The following ENOX1 variants were observed in gnomAD, a reference collection of about 807,000 sequenced individuals.
ENOX1 encodes candidate growth-related and time keeping constitutive hydroquinone (NADH) oxidase.
Under a neutral mutation model 82.5 loss-of-function variants are expected in ENOX1, and 42 were observed. The observed-to-expected ratio is 0.51, with a 90% confidence interval of 0.40 to 0.66. ENOX1 has a LOEUF of 0.66. Among genes scored for constraint, ENOX1 ranks in the 30% least tolerant of loss-of-function variants. The pLI is 0.00. For missense variants in ENOX1, 608 were observed against 811.6 expected, an observed-to-expected ratio of 0.75 and a Z score of 3.05; for synonymous variants, 271 against 282.2, an observed-to-expected ratio of 0.96 and a Z score of 0.40.
At chr13:43,491,968 A>G (rs1234438241) in intron 2 of ENOX1, among the ~76,000 whole-genome samples, 2 of 152,186 alleles carry the variant, frequency 1.3e-5, no homozygotes. Flanking sequence ...TGGATCCAGT[A>G]GAAATGGTCT....
intron 2 of ENOX1, among the ~76,000 whole-genome samples, chr13:43,541,795 A>G (rs2078740800): frequency 6.6e-6 from 1 of 152,224 alleles, no homozygotes; most frequent in African/African-American, 2.4e-5. Context: ...TTGAAATAAT[A>G]ATGTCAAATC....
rs115656114 is a variant in ENOX1, at chr13:43,232,937, A to G, written c.1714+3699T>C. 9.6e-3 allele frequency among the ~76,000 whole-genome samples: 1,463 copies of G among 152,322 alleles called. 28 individuals are homozygous for G. Among genetic ancestry groups the G allele is most frequent in the African/African-American group, 0.033 (1,381 of 41,542 alleles). On this transcript the variant is annotated intron_variant, in intron 15 of 16. Coordinates refer to ENST00000690772, the MANE Select transcript of ENOX1 (RefSeq NM_001347969.2). ...ACTCTCAGCTCTCTGCAGAACTATT[A>G]GCTTGTCAATAAAAAAAATTTGATC...
chr13:43,310,329 G>A (rs1337202639), intron 11 of ENOX1, among the ~76,000 whole-genome samples: 1 of 151,842 alleles, frequency 6.6e-6, no homozygotes, highest in Non-Finnish European at 1.5e-5. Flanking sequence ...AGCTGTTTGG[G>A]CAAGTTTATG....
At chr13:43,331,018 G>A (rs1009488643) in intron 9 of ENOX1, among the ~76,000 whole-genome samples, 5 of 152,278 alleles carry the variant, frequency 3.3e-5, no homozygotes, top group South Asian at 2.1e-4. Context: ...CATGAGAAGC[G>A]CTGGTCTTCA....
intron 2 of ENOX1, among the ~76,000 whole-genome samples, chr13:43,579,593 T>C (rs1189530670): frequency 1.3e-5 from 2 of 152,204 alleles, no homozygotes; most frequent in African/African-American, 2.4e-5. Flanking sequence ...GTCTATGTTA[T>C]TGATCTCCCC....
At chr13:43,723,496 A>G (rs945001356) in intron 1 of ENOX1, among the ~76,000 whole-genome samples, 4 of 152,224 alleles carry the variant, frequency 2.6e-5, no homozygotes, top group Admixed American at 6.5e-5. Context: ...TAAGAATTGG[A>G]AGACAGCCGA....
intron 5 of ENOX1, among the ~76,000 whole-genome samples, chr13:43,379,528 T>TA (rs1566076993): frequency 1.3e-5 from 2 of 152,004 alleles, no homozygotes; most frequent in East Asian, 3.8e-4. Flanking sequence ...ATGTATGAGA[T>TA]AAAAAATATA....
At chr13:43,352,419 A>C (rs1209953737) in intron 8 of ENOX1, among the ~76,000 whole-genome samples, 3 of 152,204 alleles carry the variant, frequency 2.0e-5, no homozygotes, top group Non-Finnish European at 4.4e-5. Context: ...TGTCTAATCA[A>C]TCTCTTCCTC....
chr13:43,570,644 G>A (rs1047619326), intron 2 of ENOX1, among the ~76,000 whole-genome samples: 20 of 152,182 alleles, frequency 1.3e-4, no homozygotes, highest in African/African-American at 4.8e-4. Flanking sequence ...AGCAATTTCA[G>A]TGGAGGCAAA....
At chr13:43,777,380 C>T (rs111691696) in intron 1 of ENOX1, among the ~76,000 whole-genome samples, 20 of 152,044 alleles carry the variant, frequency 1.3e-4, no homozygotes, top group African/African-American at 3.9e-4. Flanking sequence ...TACATATGTG[C>T]GCACACACGT....
intron 2 of ENOX1, among the ~76,000 whole-genome samples, chr13:43,664,632 T>C (rs2084891056): frequency 6.6e-6 from 1 of 152,302 alleles, no homozygotes; most frequent in East Asian, 1.9e-4. Context: ...CCTATAGACA[T>C]GCCCACAAGC....
At chr13:43,293,956 A>T (rs1266461185) in intron 12 of ENOX1, among the ~76,000 whole-genome samples, 2 of 152,230 alleles carry the variant, frequency 1.3e-5, no homozygotes, top group African/African-American at 2.4e-5. Context: ...AAAGAAAAAA[A>T]TGCTTGTCAC....
intron 12 of ENOX1, among the ~76,000 whole-genome samples, chr13:43,272,840 G>T (rs753638720): frequency 1.6e-4 from 24 of 152,088 alleles, no homozygotes; most frequent in Non-Finnish European, 3.1e-4. Context: ...ATCCTGAAAT[G>T]CTTATTTAAT....
Position 43,685,221 on chromosome 13 carries a change from C to T in ENOX1, c.-284-17677G>A, listed in dbSNP as rs576049206. Among the ~76,000 whole-genome samples the T allele has an allele frequency of 5.9e-5, 9 of 152,232 alleles. No homozygotes were observed. The East Asian group carries it at 1.7e-3, about 29-fold the overall frequency. On this transcript the variant is annotated intron_variant, in intron 1 of 16. Transcript: ENST00000690772. ...TCACTATATCCGGATCTAGTTGATCCGCATTTTCTGCACAAAGTCTCACTT... is the reference window on the plus strand; with the variant it reads ...TCACTATATCCGGATCTAGTTGATCTGCATTTTCTGCACAAAGTCTCACTT...
At chr13:43,423,317 C>T (rs374296729) in intron 3 of ENOX1, among the ~76,000 whole-genome samples, 2 of 152,102 alleles carry the variant, frequency 1.3e-5, no homozygotes, top group Admixed American at 6.5e-5. Flanking sequence ...CTAGACTTTG[C>T]TGGTGAGTAA....
chr13:43,516,748 A>C (rs1419052617), intron 2 of ENOX1, among the ~76,000 whole-genome samples: 1 of 152,168 alleles, frequency 6.6e-6, no homozygotes, highest in African/African-American at 2.4e-5. Flanking sequence ...AATGTTCTAC[A>C]GTGTTGGGGA....
At chr13:43,694,634 C>A (rs2086542685) in intron 1 of ENOX1, among the ~76,000 whole-genome samples, 1 of 152,136 alleles carries the variant, frequency 6.6e-6, no homozygotes. Context: ...TTGAAGATTG[C>A]TGTCACTTTT....
At chr13:43,214,233 T>G in intron 16 of ENOX1, 112 bp from the exon 17 acceptor site, 1 of 1,099,574 alleles carries the variant, frequency 9.1e-7, no homozygotes, top group Non-Finnish European at 1.3e-6. Context: ...AGTTTTCTAC[T>G]GGGCTGTCAG....
chr13:43,366,503 C>T (rs772709923), intron 5 of ENOX1, among the ~76,000 whole-genome samples: 1 of 152,178 alleles, frequency 6.6e-6, no homozygotes, highest in Non-Finnish European at 1.5e-5. Flanking sequence ...GTCTCGATCT[C>T]CTGACCTCGT....
Sources: allele counts gnomAD v4.1 joint callset (sites outside exome capture counted in the v4.1 genomes callset), GRCh38; gene constraint gnomAD v4.1.1; transcripts MANE v1.5; gene names NCBI Gene and HGNC (gene_info 2026-07-23, HGNC 2026-07-21).